The following ROBO4 variants were observed in gnomAD, a reference collection of about 807,000 sequenced individuals.
The protein encoded by ROBO4 is roundabout guidance receptor 4, also known as roundabout homolog 4.
ROBO4 carries 80 observed loss-of-function variants against 103.3 expected under a neutral mutation model. That is an observed-to-expected ratio of 0.77 (90% confidence interval 0.65 to 0.93). The LOEUF is 0.93. Ranked by LOEUF, ROBO4 falls within the 40% of genes least tolerant of loss-of-function variation. ROBO4 has a pLI of 0.00. For missense variants in ROBO4, 1,333 were observed against 1,305.3 expected (o/e 1.02, Z -0.33); for synonymous variants, 504 against 529.7 (o/e 0.95, Z 0.67).
chr11:124,894,586 A>T (rs1431663109), intron 7 of ROBO4: 1 of 556,840 alleles, frequency 1.8e-6, no homozygotes, highest in Non-Finnish European at 3.2e-6. Flanking sequence ...GCTAAAACAC[A>T]TGTAACATAG....
intron 4 of ROBO4, 140 bp downstream of exon 4, chr11:124,896,057 CA>C (rs1565327731): frequency 1.3e-6 from 2 of 1,520,782 alleles, no homozygotes; most frequent in African/African-American, 1.4e-5. Flanking sequence ...TCTACTCTAG[CA>C]GGGGGGAACC....
At chr11:124,897,491 C>G (rs1946916625) in intron 1 of ROBO4, 3 of 580,322 alleles carry the variant, frequency 5.2e-6, no homozygotes, top group Non-Finnish European at 9.3e-6. Flanking sequence ...CTCTCTCTCT[C>G]TCTTACTTTC....
chr11:124,895,535 CG>C lies in ROBO4; in HGVS notation c.957del (p.Tyr319Ter). ...ELGGLHWGQD[Y>X]EFKVRPSSGR... ...CCAGAGGATGGTCTCACTTTGAACT[CG>C]TAGTCTTGGCCCCAGTGGAGGCCTC... On this transcript the variant is annotated frameshift_variant, in exon 6 of 18. Coordinates refer to ENST00000306534, the MANE Select transcript of ROBO4 (RefSeq NM_019055.6). LOFTEE classifies it high-confidence loss of function. 6.2e-7 allele frequency: 1 copy of C among 1,612,378 alleles called. No individual in the cohort carries two copies. The highest frequency in any genetic ancestry group is 8.5e-7 in the Non-Finnish European group (1 of 1,180,012).
intron 1 of ROBO4, chr11:124,897,474 T>G (rs1185297368): frequency 2.5e-5 from 7 of 281,460 alleles, no homozygotes; most frequent in Middle Eastern, 1.4e-3. Flanking sequence ...ATGTTCGCTC[T>G]CTCTCTCTCT....
At chr11:124,886,235 G>T in intron 16 of ROBO4, 1 of 461,620 alleles carries the variant, frequency 2.2e-6, no homozygotes, top group Non-Finnish European at 3.8e-6. Flanking sequence ...GGGTGAACTT[G>T]GGCAAGCCAA....
intron 12 of ROBO4, among the ~76,000 whole-genome samples, chr11:124,890,652 A>C (rs1358398709): frequency 6.6e-6 from 1 of 152,260 alleles, no homozygotes; most frequent in Admixed American, 6.5e-5. Flanking sequence ...AAATGAAATA[A>C]CAAACATAAG....
chr11:124,886,025 C>T (rs1163590942), intron 16 of ROBO4, among the ~76,000 whole-genome samples: 1 of 152,100 alleles, frequency 6.6e-6, no homozygotes, highest in East Asian at 1.9e-4. Context: ...CCCGTCTCTA[C>T]TAAAAATACA....
rs968309736 is a variant in ROBO4, at chr11:124,895,444, A to G, written c.1036+13T>C. On this transcript the variant is annotated intron_variant, in intron 6 of 17. Coordinates refer to ENST00000306534, the MANE Select transcript of ROBO4 (RefSeq NM_019055.6). ...GGGGATATTGTTGGCTTCTGAAGGGATCAGGCCCTGACCTTTTTCCGGCAG... is the reference window on the plus strand; with the variant it reads ...GGGGATATTGTTGGCTTCTGAAGGGGTCAGGCCCTGACCTTTTTCCGGCAG... The G allele has an allele frequency of 1.0e-5, 16 of 1,606,824 alleles. No individual in the cohort carries two copies. Among genetic ancestry groups the G allele is most frequent in the African/African-American group, 1.3e-5 (1 of 75,030 alleles).
In ROBO4 at chr11:124,887,616, C is replaced by T. The variant is rs1032025997; in HGVS notation, c.2056+117G>A. Reference sequence around the variant, plus strand: ...CCTGTCCACTACTCCATCCAACCCTCATCAGCCTCCTCAGGGAAAGGAGGA... The same window carrying T: ...CCTGTCCACTACTCCATCCAACCCTTATCAGCCTCCTCAGGGAAAGGAGGA... On this transcript the variant is annotated intron_variant, in intron 13 of 17. Coordinates refer to ENST00000306534, the MANE Select transcript of ROBO4 (RefSeq NM_019055.6). 14 of 1,541,216 alleles carry T rather than the reference C, an allele frequency of 9.1e-6. No individual in the cohort carries two copies. In the African/African-American group the frequency reaches 1.8e-4, roughly 20 times the overall value.
rs758803778 is a variant in ROBO4, at chr11:124,887,781, C to T, written c.2008G>A (p.Ala670Thr). ...GAACCTCTATTTCCTAACTCACAGG[C>T]CCGGAGCTCCAAGGAGTGGCTGCCC... ...LRGSHSLELR[A>T]CELGNRGSKN... Residue 670 changes from alanine to threonine, a missense_variant, in exon 13 of 18, where the codon GCC (alanine) becomes ACC (threonine). By Grantham distance (58) the Ala-to-Thr change is moderately conservative. Transcript: ENST00000306534. 1.9e-6 allele frequency: 3 copies of T among 1,614,038 alleles called. No homozygotes were observed. In the East Asian group the frequency reaches 6.7e-5, roughly 36 times the overall value.
At chr11:124,885,291 CCCCT>C in intron 16 of ROBO4, 44 bp from the exon 17 acceptor site, 1 of 1,529,292 alleles carries the variant, frequency 6.5e-7, no homozygotes, top group Admixed American at 1.7e-5. Context: ...TGACCTTCAG[CCCCT>C]AGGGGCCAGT....
In ROBO4 at chr11:124,887,229, G is replaced by C. The variant is rs771351589; in HGVS notation, c.2199-16C>G. ...CACCGGAGGCCTGATTTGCGGGAGA[G>C]AGTGATGGCACCGTAGTTACTACAG... On this transcript the variant is annotated splice_polypyrimidine_tract_variant and intron_variant, in intron 14 of 17. Coordinates refer to ENST00000306534, the MANE Select transcript of ROBO4 (RefSeq NM_019055.6). 3 of 1,586,286 alleles carry C rather than the reference G, an allele frequency of 1.9e-6. No homozygotes were observed. The South Asian group carries it at 3.5e-5, about 18-fold the overall frequency.
In ROBO4 at chr11:124,887,052, T is replaced by TC. The variant is rs1301713432; in HGVS notation, c.2359dup (p.Glu787GlyfsTer10). 3 of 1,613,452 alleles carry TC rather than the reference T, an allele frequency of 1.9e-6. No homozygotes were observed. In the South Asian group the frequency reaches 3.3e-5, roughly 18 times the overall value. On this transcript the variant is annotated frameshift_variant, in exon 15 of 18. Coordinates refer to ENST00000306534, the MANE Select transcript of ROBO4 (RefSeq NM_019055.6). LOFTEE classifies it high-confidence loss of function. ...AGGGGTCAGCACGCTGTCTTGATCC[T>TC]CCCCCAGGGATGACAGTGAGGAGCT... is the stretch of plus-strand genomic sequence containing the variant.
chr11:124,894,036 A>G lies in ROBO4; in HGVS notation c.1328T>C (p.Met443Thr). The change falls in exon 9 of 18, where the codon ATG becomes ACG. Residue 443 changes from methionine to threonine, a missense_variant. Met to Thr is a moderately conservative substitution (Grantham distance 81, BLOSUM62 -1). Transcript: ENST00000306534. ...ACTGGGTTCTTGGGTGGCTCGCTCC[A>G]TGGCCTGCTCTGTATGGGATGCAGA... ...RPVCLLLEQA[M>T]ERATQEPSEH... is the part of the protein sequence containing the mutation. The G allele has an allele frequency of 1.3e-6, 2 of 1,549,286 alleles. No homozygotes were observed. Among genetic ancestry groups the G allele is most frequent in the South Asian group, 2.5e-5 (2 of 79,674 alleles).
chr11:124,884,212 CAGAACTCA>C lies in ROBO4; in HGVS notation c.*671_*678del, dbSNP rs1471238730. On this transcript the variant is annotated 3_prime_UTR_variant, in exon 18 of 18. Transcript: ENST00000306534. ...AATGGTGCTCCGGGGAATGATCTCA[CAGAACTCA>C]AGTCTTTACCATTTTATGGTATCAA... The C allele has an allele frequency of 6.6e-6, 1 of 152,244 alleles. No individual in the cohort carries two copies. The highest frequency in any genetic ancestry group is 1.5e-5 in the Non-Finnish European group (1 of 68,074). The allele number at this position is 152,244 out of a possible 1,614,324, so 9.4% of individuals were successfully genotyped here.
At position 124,893,723 on chromosome 11, in the gene ROBO4, G is replaced by A; in HGVS notation, c.1512C>T (p.Tyr504=). ...GGATGGCATCCTCACTGGTATATCT[G>A]TACAGACCTGGGAGAAGGCAGGAGG... ...RARVHLGPGL[Y]RYTSEDAILK... is the part of the protein sequence containing the mutation. The change falls in exon 10 of 18, where the codon TAC becomes TAT. Residue 504 remains tyrosine, a synonymous_variant. Transcript: ENST00000306534. 6.2e-7 allele frequency: 1 copy of A among 1,613,952 alleles called. No homozygotes were observed. Among genetic ancestry groups the A allele is most frequent in the Non-Finnish European group, 8.5e-7 (1 of 1,179,950 alleles).
At position 124,894,229 on chromosome 11, in the gene ROBO4, C is replaced by A. The variant is rs1169934326; in HGVS notation, c.1290G>T (p.Glu430Asp). 4.3e-6 allele frequency: 7 copies of A among 1,613,334 alleles called. No homozygotes were observed. The Admixed American group carries it at 1.0e-4, about 23-fold the overall frequency. Residue 430 changes from glutamate (E) to aspartate (D), a missense_variant, in exon 8 of 18, where the codon GAG (glutamate) becomes GAT (aspartate). Physicochemically the swap from Glu to Asp is conservative, Grantham distance 45. Coordinates refer to ENST00000306534, the MANE Select transcript of ROBO4 (RefSeq NM_019055.6). ...AAAGGAGGCAGACAGGTCTACTGGG[C>A]TCCCCAGCTCCAGCACCAGTGACTG... ...VAAVTGAGAG[E>D]PSRPVCLLLE... is the part of the protein sequence containing the mutation.
chr11:124,887,488 G>A lies in ROBO4; in HGVS notation c.2068C>T (p.Gln690Ter). 1 of 1,613,782 alleles carries A rather than the reference G, an allele frequency of 6.2e-7. No individual in the cohort carries two copies. Among genetic ancestry groups the A allele is most frequent in the East Asian group, 2.2e-5 (1 of 44,868 alleles). ...NLSQSPGAVPQALVAWRALGP... is the reference protein window; with the variant it reads ...NLSQSPGAVP ...AGGGCCCGCCAGGCAACCAGAGCTTGGGGCACAGCTCCTGGGGAAGAGAAG... is the reference window on the plus strand; with the variant it reads ...AGGGCCCGCCAGGCAACCAGAGCTTAGGGCACAGCTCCTGGGGAAGAGAAG... The change falls in exon 14 of 18, where the codon CAA becomes TAA. Residue 690 changes from glutamine (Q) to a stop codon, truncating the protein, a stop_gained. Transcript: ENST00000306534. LOFTEE classifies it high-confidence loss of function.
At chr11:124,897,318 G>A (rs1946911189) in intron 1 of ROBO4, 57 bp from the exon 2 acceptor site, 1 of 1,239,990 alleles carries the variant, frequency 8.1e-7, no homozygotes, top group Non-Finnish European at 1.1e-6. Flanking sequence ...CCAAATTCCT[G>A]GCCCACCCCT....
Sources: gnomAD v4.1 joint callset for allele counts (sites outside exome capture counted in the v4.1 genomes callset) on GRCh38, gnomAD v4.1.1 for gene constraint, MANE v1.5 for transcripts, NCBI Gene and HGNC (gene_info 2026-07-23, HGNC 2026-07-21) for gene names.